RNF126: variants seen among roughly 807,000 people sequenced by gnomAD.
The protein encoded by RNF126 is E3 ubiquitin-protein ligase RNF126.
RNF126 carries 20 observed loss-of-function variants against 41.9 expected under a neutral mutation model. The ratio of observed to expected loss-of-function variants is 0.48; its 90% confidence interval spans 0.34 to 0.69. The LOEUF is 0.69. Among genes scored for constraint, RNF126 ranks in the 30% least tolerant of loss-of-function variants. The probability of loss-of-function intolerance (pLI) is 0.01; values close to 1 mark genes in which losing one functional copy is unlikely to be tolerated. For synonymous variants in RNF126, 239 were observed against 202.9 expected (o/e 1.18, Z -1.51); for missense variants, 433 against 460.6 (o/e 0.94, Z 0.55).
At position 663,153 on chromosome 19, in the gene RNF126, C is replaced by G. The variant is rs2030886127; in HGVS notation, c.-32G>C. 4.5e-6 allele frequency: 5 copies of G among 1,113,432 alleles called. No individual in the cohort carries two copies. The highest frequency in any genetic ancestry group is 5.6e-6 in the Non-Finnish European group (5 of 896,198). The allele number at this position is 1,113,432 out of a possible 1,614,324, so 69.0% of individuals were successfully genotyped here. A position where few individuals can be genotyped will look rare whatever the true frequency, so the allele number is the denominator to read the frequency against. On this transcript the variant is annotated 5_prime_UTR_variant, in exon 1 of 9. Transcript: ENST00000292363. ...CGCCACCTACTCCGCGCCGCCCGCC[C>G]CCCGCGCGGCACCCGCCGCCGGCCG...
At position 648,757 on chromosome 19, in the gene RNF126, T is replaced by C. The variant is rs1476259949; in HGVS notation, c.670+125A>G. 8.8e-6 allele frequency: 6 copies of C among 681,372 alleles called. No homozygotes were observed. The East Asian group carries it at 1.7e-4, about 19-fold the overall frequency. 42.2% of individuals were successfully genotyped at this position (681,372 alleles called of 1,614,324 possible). The stretch of plus-strand genomic sequence containing the variant: ...GCCGAGGCAGGAGGATCACCTGAGG[T>C]CAGGAGTTCGAGACCTGCCTGACCA... On this transcript the variant is annotated intron_variant, in intron 7 of 8. Coordinates refer to ENST00000292363, the MANE Select transcript of RNF126 (RefSeq NM_194460.3).
In RNF126 at chr19:648,901, G is replaced by A. The variant is rs137946000; in HGVS notation, c.651C>T (p.Pro217=). Residue 217 remains proline (P), a synonymous_variant, in exon 7 of 9, where the codon CCC becomes CCT. Coordinates refer to ENST00000292363, the MANE Select transcript of RNF126 (RefSeq NM_194460.3). The stretch of plus-strand genomic sequence containing the variant: ...TCATACCTACGTGCTCCTCAGTGAC[G>A]GGGACGGTGGGGAGGGCCTGGATTT... ...KEKIQALPTV[P]VTEEHVGSGL... is the part of the protein sequence containing the mutation. 18 of 1,432,040 alleles carry A rather than the reference G, an allele frequency of 1.3e-5. No homozygotes were observed. The Admixed American group carries it at 1.3e-4, about 11-fold the overall frequency. 88.7% of individuals were successfully genotyped at this position (1,432,040 alleles called of 1,614,324 possible).
chr19:648,364 G>GGGGGGGGGGGGGGGGGGGGGGGCCCC lies in RNF126; in HGVS notation c.786+7_786+8insGGGGCCCCCCCCCCCCCCCCCCCCCC. 1 of 510,484 alleles carries GGGGGGGGGGGGGGGGGGGGGGGCCCC rather than the reference G, an allele frequency of 2.0e-6. No homozygotes were observed. The highest frequency in any genetic ancestry group is 3.6e-6 in the Non-Finnish European group (1 of 278,356). The allele number at this position is 510,484 out of a possible 1,614,324, so 31.6% of individuals were successfully genotyped here. On this transcript the variant is annotated splice_region_variant and intron_variant, in intron 8 of 8. Coordinates refer to ENST00000292363, the MANE Select transcript of RNF126 (RefSeq NM_194460.3). ...CGGGGTGGGGGGGCGGGTGGGCGGG[G>GGGGGGGGGGGGGGGGGGGGGGGCCCC]CACTCACCTGCTCCAGCCAGGGCAC...
intron 2 of RNF126, 36 bp downstream of exon 2, chr19:652,790 G>A (rs1190781712): frequency 6.2e-7 from 1 of 1,600,750 alleles, no homozygotes; most frequent in Non-Finnish European, 8.5e-7. Context: ...AGGCCCGGCT[G>A]GCTCTTCCAG....
chr19:650,471 G>A (rs1041724478), intron 4 of RNF126, 175 bp from the exon 5 acceptor site: 3 of 558,546 alleles, frequency 5.4e-6, no homozygotes, highest in Non-Finnish European at 6.2e-6. Context: ...AGGCAGGAGA[G>A]AAGCAGCTTG....
At chr19:649,829 A>AGG in intron 5 of RNF126, 81 bp from the exon 6 acceptor site, 1 of 1,159,866 alleles carries the variant, frequency 8.6e-7, no homozygotes, top group Non-Finnish European at 1.3e-6. Flanking sequence ...CCAGGGGCCC[A>AGG]GGCTGGGGAT....
intron 1 of RNF126, among the ~76,000 whole-genome samples, chr19:656,779 G>A (rs2030578482): frequency 6.6e-6 from 1 of 152,194 alleles, no homozygotes; most frequent in African/African-American, 2.4e-5. Context: ...GTCGGTTCTT[G>A]GGGTGTGTTT....
intron 6 of RNF126, chr19:649,220 T>G (rs866545539): frequency 6.3e-4 from 79 of 125,686 alleles, no homozygotes; most frequent in Non-Finnish European, 8.4e-4. Context: ...GACAGCGGAA[T>G]GGGGGGGGGG....
intron 1 of RNF126, among the ~76,000 whole-genome samples, chr19:654,642 C>CAAAAAAAA (rs56141012): frequency 4.1e-5 from 1 of 24,610 alleles, no homozygotes; most frequent in Non-Finnish European, 7.4e-5. Context: ...GACTCCGTCT[C>CAAAAAAAA]AAAAAAAAAA....
At chr19:649,030 T>C in intron 6 of RNF126, 55 bp from the exon 7 acceptor site, 1 of 895,650 alleles carries the variant, frequency 1.1e-6, no homozygotes, top group Non-Finnish European at 1.5e-6. Context: ...GGCCCGGGGC[T>C]CTGAAACGCG....
Position 652,249 on chromosome 19 carries a change from C to G in RNF126, c.182G>C (p.Ser61Thr), listed in dbSNP as rs758051591. Residue 61 changes from serine to threonine, a missense_variant, in exon 3 of 9, where the codon AGC becomes ACC. Around this residue, in one of 5 missense-constraint regions of RNF126, gnomAD observed 247 missense variants for 224.7 expected, o/e 1.10. Transcript: ENST00000292363. ...SAPSTAPTDQ[S>T]RPPLEHVDQH... ...GCGACTCACCTCCAACGGTGGCCGG[C>G]TCTGGTCTGTGGGAGCTGTGGAGGG... The G allele has an allele frequency of 6.5e-7, 1 of 1,543,022 alleles. No homozygotes were observed. Among genetic ancestry groups the G allele is most frequent in the Non-Finnish European group, 8.7e-7 (1 of 1,155,848 alleles).
In RNF126 at chr19:648,235, T is replaced by C; in HGVS notation, c.829A>G (p.Asn277Asp). ...AGGCCAGGGGGGTTCGTGGCCGTGT[T>C]CTGTCCCGTGAGGCTTTTTCGGCAG... Reference protein sequence around the residue: ...PVCRKSLTGQNTATNPPGLTG... With the variant: ...PVCRKSLTGQDTATNPPGLTG... The change falls in exon 9 of 9, where the codon AAC (asparagine) becomes GAC (aspartate). Residue 277 changes from asparagine (N) to aspartate (D), a missense_variant. Coordinates refer to ENST00000292363, the MANE Select transcript of RNF126 (RefSeq NM_194460.3). The C allele has an allele frequency of 6.3e-7, 1 of 1,594,022 alleles. No individual in the cohort carries two copies. Among genetic ancestry groups the C allele is most frequent in the Non-Finnish European group, 8.5e-7 (1 of 1,170,574 alleles).
chr19:656,905 C>T (rs1025253394), intron 1 of RNF126, among the ~76,000 whole-genome samples: 2 of 152,188 alleles, frequency 1.3e-5, no homozygotes, highest in African/African-American at 4.8e-5. Context: ...TCAGGGGTTG[C>T]CGCCGTCCGC....
Position 663,053 on chromosome 19 carries a change from G to T in RNF126, c.69C>A (p.Arg23=), listed in dbSNP as rs1172578066. 1 of 1,376,254 alleles carries T rather than the reference G, an allele frequency of 7.3e-7. No homozygotes were observed. Among genetic ancestry groups the T allele is most frequent in the Non-Finnish European group, 9.4e-7 (1 of 1,059,762 alleles). The allele number at this position is 1,376,254 out of a possible 1,614,324, so 85.3% of individuals were successfully genotyped here. The change falls in exon 1 of 9, where the codon CGC becomes CGA. Residue 23 remains arginine (R), a synonymous_variant. Coordinates refer to ENST00000292363, the MANE Select transcript of RNF126 (RefSeq NM_194460.3). ...CHCCSVEIVP[R]LPDYICPRCE... ...GCCCCGGCCCGGGCCTCACCGGCAGGCGCGGGACGATCTCCACGGAGCAGC... is the reference window on the plus strand; with the variant it reads ...GCCCCGGCCCGGGCCTCACCGGCAGTCGCGGGACGATCTCCACGGAGCAGC...
intron 1 of RNF126, among the ~76,000 whole-genome samples, chr19:655,169 G>A (rs952558824): frequency 6.6e-6 from 1 of 152,054 alleles, no homozygotes; most frequent in Non-Finnish European, 1.5e-5. Flanking sequence ...AGCTGGGTAT[G>A]CTGGGGTGGG....
chr19:652,356 T>C (rs2030351555), intron 2 of RNF126, 60 bp from the exon 3 acceptor site: 1 of 1,380,608 alleles, frequency 7.2e-7, no homozygotes, highest in Non-Finnish European at 9.9e-7. Context: ...CGCCAGGCGC[T>C]CCCTCCCCTC....
At chr19:653,325 C>T (rs1600635533) in intron 1 of RNF126, among the ~76,000 whole-genome samples, 2 of 152,368 alleles carry the variant, frequency 1.3e-5, no homozygotes, top group South Asian at 4.1e-4. Context: ...GGGGAGGCCA[C>T]GTCCACGCTG....
chr19:651,692 C>A lies in RNF126; in HGVS notation c.362G>T (p.Arg121Leu), dbSNP rs149302407. ...RRERDHPSRHRYGARQPRARL... is the reference protein window; with the variant it reads ...RRERDHPSRHLYGARQPRARL... Reference sequence around the variant, plus strand: ...GGCGCGGGGCTGTCGGGCGCCGTACCGGTGCCGGGACGGATGGTCTCTCTC... The same window carrying A: ...GGCGCGGGGCTGTCGGGCGCCGTACAGGTGCCGGGACGGATGGTCTCTCTC... Residue 121 changes from arginine to leucine, a missense_variant, in exon 4 of 9, where the codon CGG becomes CTG. Coordinates refer to ENST00000292363, the MANE Select transcript of RNF126 (RefSeq NM_194460.3). 1 of 1,595,168 alleles carries A rather than the reference C, an allele frequency of 6.3e-7. No homozygotes were observed. The highest frequency in any genetic ancestry group is 8.5e-7 in the Non-Finnish European group (1 of 1,172,076).
At chr19:649,619 C>T in intron 6 of RNF126, 60 bp downstream of exon 6, 3 of 1,397,958 alleles carry the variant, frequency 2.1e-6, no homozygotes, top group Non-Finnish European at 3.0e-6. Flanking sequence ...GGGGCAGCTC[C>T]CAGGGGTGGG....
Sources: gnomAD v4.1 joint callset for allele counts (sites outside exome capture counted in the v4.1 genomes callset) on GRCh38, gnomAD v4.1.1 for gene constraint, gnomAD v4.1.1 regional missense constraint, MANE v1.5 for transcripts, NCBI Gene and HGNC (gene_info 2026-07-23, HGNC 2026-07-21) for gene names.